Variants in BLTP1 observed in about 807,000 individuals in gnomAD.
BLTP1 encodes the protein bridge-like lipid transfer protein family member 1.
the BLTP1 span, chr4:122,257,280 CTT>C: frequency 6.2e-7 from 1 of 1,613,718 alleles, no homozygotes; most frequent in Non-Finnish European, 8.5e-7. Flanking sequence ...GCTTTGGTAA[CTT>C]TGAAGAAAGG....
At chr4:122,170,540 CT>C in the BLTP1 span, 63 of 1,387,092 alleles carry the variant, frequency 4.5e-5, no homozygotes, top group East Asian at 1.2e-4. Flanking sequence ...TAAATTCACC[CT>C]TTTTTTCCCT....
chr4:122,157,784 A>G, the BLTP1 span, among the ~76,000 whole-genome samples: 1 of 152,164 alleles, frequency 6.6e-6, no homozygotes, highest in African/African-American at 2.4e-5. Context: ...GTCACGTAAA[A>G]ATTCAATTTC....
the BLTP1 span, among the ~76,000 whole-genome samples, chr4:122,161,604 T>G: frequency 6.6e-6 from 1 of 151,982 alleles, no homozygotes; most frequent in African/African-American, 2.4e-5. Context: ...CTAATTTTTG[T>G]ATTTTTTTGT....
At chr4:122,209,782 T>G in the BLTP1 span, 8 of 1,605,168 alleles carry the variant, frequency 5.0e-6, no homozygotes, top group East Asian at 1.8e-4. Context: ...AAGGAATGAG[T>G]ATCTGACTAG....
At chr4:122,341,574 AT>A in the BLTP1 span, 1 of 631,138 alleles carries the variant, frequency 1.6e-6, no homozygotes. Context: ...GAAATGAGAA[AT>A]TTTTTATGCC....
At chr4:122,305,189 G>T in the BLTP1 span, 3 of 983,244 alleles carry the variant, frequency 3.1e-6, no homozygotes, top group Non-Finnish European at 3.6e-6. Context: ...TAGTGCAGAT[G>T]CACTCACATA....
the BLTP1 span, among the ~76,000 whole-genome samples, chr4:122,338,654 A>G: frequency 5.3e-5 from 8 of 152,128 alleles, no homozygotes; most frequent in Admixed American, 5.2e-4. Context: ...AAATCCACAC[A>G]TACTCAAGTA....
the BLTP1 span, chr4:122,243,746 C>A: frequency 1.5e-6 from 2 of 1,299,966 alleles, no homozygotes; most frequent in Non-Finnish European, 2.0e-6. Context: ...AGTCCAATTC[C>A]ATAAAATTTT....
the BLTP1 span, chr4:122,337,119 A>AC: frequency 9.0e-7 from 1 of 1,105,408 alleles, no homozygotes; most frequent in South Asian, 1.4e-5. Flanking sequence ...AGTTTTCTTA[A>AC]CCTCAGGTTC....
At chr4:122,281,316 T>A in the BLTP1 span, 3 of 975,098 alleles carry the variant, frequency 3.1e-6, no homozygotes, top group African/African-American at 5.3e-5. Context: ...AGTATAACAT[T>A]CTAAGAGTCT....
At chr4:122,286,495 GTGAA>G in the BLTP1 span, 2 of 1,607,522 alleles carry the variant, frequency 1.2e-6, no homozygotes, top group East Asian at 2.2e-5. Flanking sequence ...GAATGAATGA[GTGAA>G]TGAACACTAG....
chr4:122,360,665 G>T, the BLTP1 span, among the ~76,000 whole-genome samples: 1 of 152,198 alleles, frequency 6.6e-6, no homozygotes, highest in African/African-American at 2.4e-5. Context: ...TAAATAATTG[G>T]CATACAGTAA....
the BLTP1 span, chr4:122,231,927 C>T: frequency 1.0e-4 from 75 of 747,868 alleles, no homozygotes; most frequent in African/African-American, 2.1e-4. Context: ...GACATATATC[C>T]GAGTATGAAA....
the BLTP1 span, chr4:122,289,264 TCTGTGGTATAAGTATTGATCCAG>T: frequency 9.3e-7 from 1 of 1,080,544 alleles, no homozygotes; most frequent in Middle Eastern, 2.5e-4. Flanking sequence ...ATCCCATATA[TCTGTGGTATAAGTATTGATCCAG>T]CATTTGGATA....
At chr4:122,294,285 G>T in the BLTP1 span, among the ~76,000 whole-genome samples, 2 of 152,192 alleles carry the variant, frequency 1.3e-5, no homozygotes, top group Admixed American at 1.3e-4. Context: ...GCAGGTCCTT[G>T]ACCCCATTCT....
chr4:122,269,005 A>G, the BLTP1 span: 12 of 467,238 alleles, frequency 2.6e-5, no homozygotes, highest in Non-Finnish European at 3.4e-5. Context: ...GAGACTTGTT[A>G]TTTAAGTAAA....
chr4:122,217,879 TTC>T, the BLTP1 span, among the ~76,000 whole-genome samples: 1 of 152,114 alleles, frequency 6.6e-6, no homozygotes, highest in Admixed American at 6.5e-5. Flanking sequence ...AAATTACTTT[TTC>T]TCTCTCACTG....
At chr4:122,223,025 G>A in the BLTP1 span, 37 of 881,552 alleles carry the variant, frequency 4.2e-5, no homozygotes, top group Middle Eastern at 1.1e-3. Context: ...GAGTCTCAGC[G>A]TCAGAAGATA....
chr4:122,300,202 G>T, the BLTP1 span, among the ~76,000 whole-genome samples: 2 of 151,970 alleles, frequency 1.3e-5, no homozygotes, highest in Non-Finnish European at 2.9e-5. Flanking sequence ...TAGAGATGGG[G>T]TTTCTCCATG....
Sources: allele counts gnomAD v4.1 joint callset (sites outside exome capture counted in the v4.1 genomes callset), GRCh38; gene constraint gnomAD v4.1.1; transcripts MANE v1.5; gene names NCBI Gene and HGNC (gene_info 2026-07-23, HGNC 2026-07-21).